PTGIS: variants seen among roughly 807,000 people sequenced by gnomAD.
PTGIS encodes the protein prostaglandin I2 synthase, also known as prostacyclin synthase.
A neutral mutation model predicts 50.3 loss-of-function variants in PTGIS; 45 were observed. The ratio of observed to expected loss-of-function variants is 0.90; its 90% confidence interval spans 0.70 to 1.15. PTGIS has a LOEUF of 1.15. PTGIS is among the 50% of genes most tolerant of loss of function. The pLI is 0.00. For synonymous variants in PTGIS, 260 were observed against 267.7 expected (o/e 0.97, Z 0.28); for missense variants, 668 against 661.3 (o/e 1.01, Z -0.11).
At position 49,568,036 on chromosome 20, in the gene PTGIS, C is replaced by T; in HGVS notation, c.74+7G>A. ...TCTGGCGGGGCCGAGCGGAGCAGGA[C>T]ACTCACCGCGTGCGGCGGCGGCTCA... On this transcript the variant is annotated splice_region_variant and intron_variant, in intron 1 of 9. Transcript: ENST00000244043. 6.7e-7 allele frequency: 1 copy of T among 1,483,560 alleles called. No homozygotes were observed. The allele number at this position is 1,483,560 out of a possible 1,614,324, so 91.9% of individuals were successfully genotyped here.
chr20:49,542,769 C>T (rs530350769), intron 4 of PTGIS, among the ~76,000 whole-genome samples: 3 of 152,288 alleles, frequency 2.0e-5, no homozygotes, highest in East Asian at 3.9e-4. Context: ...GGGGACTGTT[C>T]GTGTGCTGAG....
chr20:49,555,229 C>CACCA (rs2122896599), intron 1 of PTGIS, among the ~76,000 whole-genome samples: 1 of 151,860 alleles, frequency 6.6e-6, no homozygotes, highest in African/African-American at 2.4e-5. Flanking sequence ...GCCAAGATTG[C>CACCA]ACCACTGCAC....
intron 5 of PTGIS, among the ~76,000 whole-genome samples, chr20:49,533,692 C>T (rs1981993008): frequency 6.6e-6 from 1 of 152,128 alleles, no homozygotes; most frequent in East Asian, 1.9e-4. Context: ...TGTGGTGGCT[C>T]ACACCGGTAA....
intron 8 of PTGIS, among the ~76,000 whole-genome samples, chr20:49,511,621 A>ATTACT (rs1319410045): frequency 1.3e-5 from 2 of 152,242 alleles, no homozygotes; most frequent in African/African-American, 4.8e-5. Flanking sequence ...TATGATATAT[A>ATTACT]TTACTTTTGT....
At chr20:49,549,701 G>A (rs7343526) in intron 2 of PTGIS, among the ~76,000 whole-genome samples, 9,152 of 152,224 alleles carry the variant, frequency 0.06, 929 homozygotes, top group African/African-American at 0.21. Flanking sequence ...ATGGAAGGAC[G>A]CTTAGTAGAC....
At chr20:49,544,975 A>G (rs909225490) in intron 3 of PTGIS, among the ~76,000 whole-genome samples, 2 of 152,208 alleles carry the variant, frequency 1.3e-5, no homozygotes, top group Non-Finnish European at 2.9e-5. Context: ...AGGACTGCCA[A>G]TAAGATGTGA....
At chr20:49,508,576 G>C (rs1471458460) in intron 9 of PTGIS, among the ~76,000 whole-genome samples, 1 of 152,070 alleles carries the variant, frequency 6.6e-6, no homozygotes. Context: ...GGATCCTCCA[G>C]CCCACACACT....
At chr20:49,550,230 G>A (rs1415420507) in intron 1 of PTGIS, 41 bp from the exon 2 acceptor site, 1 of 1,605,842 alleles carries the variant, frequency 6.2e-7, no homozygotes, top group Non-Finnish European at 8.5e-7. Context: ...GATAAGGCAA[G>A]GAAGGGCATA....
intron 6 of PTGIS, among the ~76,000 whole-genome samples, chr20:49,522,660 T>C (rs1354993735): frequency 6.6e-6 from 1 of 152,068 alleles, no homozygotes; most frequent in Non-Finnish European, 1.5e-5. Context: ...TTCTTCAAAA[T>C]AACTGGTCTG....
At chr20:49,544,524 A>C in intron 3 of PTGIS, 76 bp from the exon 4 acceptor site, 2 of 1,551,928 alleles carry the variant, frequency 1.3e-6, no homozygotes, top group Non-Finnish European at 1.8e-6. Flanking sequence ...CCCTCCCCAA[A>C]CCTAAGGGTC....
chr20:49,539,414 G>A (rs373347095), intron 5 of PTGIS, among the ~76,000 whole-genome samples, 156 bp downstream of exon 5: 43 of 152,322 alleles, frequency 2.8e-4, no homozygotes, highest in African/African-American at 8.4e-4. Context: ...CCACCATTGC[G>A]CTCTTGCATA....
At chr20:49,549,063 T>A (rs192398934) in intron 2 of PTGIS, among the ~76,000 whole-genome samples, 12 of 152,260 alleles carry the variant, frequency 7.9e-5, no homozygotes, top group African/African-American at 2.9e-4. Flanking sequence ...GTATATCCAG[T>A]GGGGAGACAT....
chr20:49,516,449 A>G (rs906195219), intron 6 of PTGIS, among the ~76,000 whole-genome samples: 2 of 151,546 alleles, frequency 1.3e-5, no homozygotes, highest in Admixed American at 1.3e-4. Context: ...TAATCTTTCT[A>G]TTTTTTGTAA....
At chr20:49,551,354 A>G (rs1050750325) in intron 1 of PTGIS, among the ~76,000 whole-genome samples, 2 of 152,194 alleles carry the variant, frequency 1.3e-5, no homozygotes, top group Admixed American at 1.3e-4. Context: ...TTCGCTCTGA[A>G]GCCTGCTACC....
intron 3 of PTGIS, among the ~76,000 whole-genome samples, chr20:49,547,063 C>G (rs1982378115): frequency 6.6e-6 from 1 of 152,134 alleles, no homozygotes; most frequent in Non-Finnish European, 1.5e-5. Flanking sequence ...GAAATCCTGT[C>G]TCTACTAAAA....
chr20:49,515,571 C>T (rs991085686), intron 6 of PTGIS, among the ~76,000 whole-genome samples: 1 of 152,154 alleles, frequency 6.6e-6, no homozygotes, highest in African/African-American at 2.4e-5. Context: ...CCACTAATTT[C>T]ATTACAGACA....
rs568120369 is a variant in PTGIS, at chr20:49,513,000, G to A, written c.1206+80C>T. On this transcript the variant is annotated intron_variant, in intron 8 of 9. Transcript: ENST00000244043. The stretch of plus-strand genomic sequence containing the variant: ...AGCAAACAAAGAGCAGAGCCAGGCT[G>A]CCACTCAGATCTGGCTCATCCCAAA... The A allele has an allele frequency of 3.2e-4, 485 of 1,529,472 alleles. No homozygotes were observed. The African/African-American group carries it at 6.1e-3, about 19-fold the overall frequency. The allele number at this position is 1,529,472 out of a possible 1,614,324, so 94.7% of individuals were successfully genotyped here. A position where few individuals can be genotyped will look rare whatever the true frequency, so the allele number is the denominator to read the frequency against.
At chr20:49,533,854 G>T (rs1261522679) in intron 5 of PTGIS, among the ~76,000 whole-genome samples, 1 of 152,022 alleles carries the variant, frequency 6.6e-6, no homozygotes, top group Non-Finnish European at 1.5e-5. Flanking sequence ...CCAGCTACTC[G>T]GGGGGCTGAG....
chr20:49,567,959 C>G, intron 1 of PTGIS, 84 bp downstream of exon 1: 1 of 1,295,174 alleles, frequency 7.7e-7, no homozygotes, highest in Non-Finnish European at 1.0e-6. Flanking sequence ...CCGGGCCGGC[C>G]GCGGGCTCCG....
Sources: allele counts gnomAD v4.1 joint callset (sites outside exome capture counted in the v4.1 genomes callset), GRCh38; gene constraint gnomAD v4.1.1; transcripts MANE v1.5; gene names NCBI Gene and HGNC (gene_info 2026-07-23, HGNC 2026-07-21).